Variants in PRKCE observed in about 807,000 individuals in gnomAD.
PRKCE encodes the protein protein kinase C epsilon type.
A neutral mutation model predicts 85.4 loss-of-function variants in PRKCE; 16 were observed. The ratio of observed to expected loss-of-function variants is 0.19; its 90% confidence interval spans 0.13 to 0.28. The LOEUF (loss-of-function observed/expected upper bound fraction) is 0.28. PRKCE is among the 10% of genes least tolerant of loss of function. The probability of loss-of-function intolerance (pLI) is 1.00; values close to 1 mark genes in which losing one functional copy is unlikely to be tolerated. For missense variants in PRKCE, 573 were observed against 975.2 expected (o/e 0.59, Z 5.49); for synonymous variants, 388 against 371.5 (o/e 1.04, Z -0.51).
intron 2 of PRKCE, among the ~76,000 whole-genome samples, chr2:45,846,267 T>C (rs757210201): frequency 3.9e-5 from 6 of 152,206 alleles, no homozygotes; most frequent in Non-Finnish European, 5.9e-5. Context: ...CTTCATATGA[T>C]GTAATTTGCA....
At chr2:45,687,211 C>T (rs1321008961) in intron 1 of PRKCE, among the ~76,000 whole-genome samples, 3 of 151,844 alleles carry the variant, frequency 2.0e-5, no homozygotes, top group Non-Finnish European at 1.5e-5. Context: ...GAAAATCACA[C>T]ATAAAAACCA....
intron 2 of PRKCE, among the ~76,000 whole-genome samples, chr2:45,957,094 T>C (rs1701024548): frequency 6.6e-6 from 1 of 152,246 alleles, no homozygotes; most frequent in East Asian, 1.9e-4. Flanking sequence ...ACTTGTCTTT[T>C]CATTCTCTTA....
At position 46,185,767 on chromosome 2, in the gene PRKCE, C is replaced by G. The variant is rs945033028; in HGVS notation, c.*886C>G. The G allele has an allele frequency of 5.9e-5, 9 of 152,194 alleles. No individual in the cohort carries two copies. The highest frequency in any genetic ancestry group is 5.9e-4 in the Admixed American group (9 of 15,282). The allele number at this position is 152,194 out of a possible 1,614,324, so 9.4% of individuals were successfully genotyped here. A position where few individuals can be genotyped will look rare whatever the true frequency, so the allele number is the denominator to read the frequency against. ...AAAGGCAACAAGTAGCATTCTTCAT[C>G]ATTCAAGTTCTACCTGGACACAAAG... On this transcript the variant is annotated 3_prime_UTR_variant, in exon 15 of 15. Transcript: ENST00000306156. This position sits in a 1 kb window ranked among gnomAD's most constrained non-coding sequence, Gnocchi z 4.7.
chr2:45,852,620 G>T (rs1692363824), intron 2 of PRKCE, among the ~76,000 whole-genome samples: 1 of 152,212 alleles, frequency 6.6e-6, no homozygotes, highest in Non-Finnish European at 1.5e-5. Flanking sequence ...TCTGTACACG[G>T]AGAGGGGTGA....
At chr2:45,816,565 A>G (rs1026357819) in intron 1 of PRKCE, among the ~76,000 whole-genome samples, 2 of 152,034 alleles carry the variant, frequency 1.3e-5, no homozygotes, top group African/African-American at 4.8e-5. Context: ...AAACTCCTGG[A>G]TTTTGTTTGT....
chr2:46,011,866 G>C (rs1705708664), intron 10 of PRKCE, among the ~76,000 whole-genome samples: 1 of 152,128 alleles, frequency 6.6e-6, no homozygotes, highest in Non-Finnish European at 1.5e-5. Context: ...TGATCTCTCA[G>C]GAGAATAAGA....
intron 10 of PRKCE, among the ~76,000 whole-genome samples, chr2:46,043,760 C>T (rs948919312): frequency 9.2e-5 from 14 of 152,282 alleles, no homozygotes; most frequent in African/African-American, 3.4e-4. Context: ...ACTCCAGATG[C>T]AAGGAATCAG....
chr2:45,821,440 G>A lies in PRKCE; in HGVS notation c.349-21560G>A, dbSNP rs1013985988. Among the ~76,000 whole-genome samples, 5 of 152,246 alleles carry A rather than the reference G, an allele frequency of 3.3e-5. No homozygotes were observed. The South Asian group carries it at 8.3e-4, about 25-fold the overall frequency. The stretch of plus-strand genomic sequence containing the variant: ...TATAGAGCAGGCCACACCTCTGAAG[G>A]GCTACCTGTGGAACCTACCTGGGGA... On this transcript the variant is annotated intron_variant, in intron 1 of 14. Transcript: ENST00000306156.
intron 2 of PRKCE, among the ~76,000 whole-genome samples, chr2:45,967,310 A>C (rs1372105296): frequency 6.6e-6 from 1 of 152,100 alleles, no homozygotes; most frequent in Non-Finnish European, 1.5e-5. Context: ...CACCATCTGA[A>C]CCCATCACAT....
chr2:46,150,993 G>A, intron 12 of PRKCE, 48 bp from the exon 13 acceptor site: 1 of 1,542,934 alleles, frequency 6.5e-7, no homozygotes, highest in South Asian at 1.2e-5. Flanking sequence ...GGGTGTCACT[G>A]GGGTGGGAGC....
chr2:45,832,767 G>A (rs900716848), intron 1 of PRKCE, among the ~76,000 whole-genome samples: 14 of 152,312 alleles, frequency 9.2e-5, no homozygotes, highest in Non-Finnish European at 1.5e-4. Flanking sequence ...GGAGAACCCG[G>A]CTTTAACGCA....
intron 2 of PRKCE, among the ~76,000 whole-genome samples, chr2:45,896,614 G>A (rs1475317147): frequency 2.0e-5 from 3 of 152,180 alleles, no homozygotes; most frequent in African/African-American, 7.2e-5. Flanking sequence ...GCAATTTTGA[G>A]TCACTATACC....
chr2:46,093,967 T>G (rs10167555), intron 11 of PRKCE, among the ~76,000 whole-genome samples: 106,823 of 151,938 alleles, frequency 0.7, 39,835 homozygotes, highest in East Asian at 0.89. Flanking sequence ...GCATTTTTTT[T>G]GTTTATTTTC....
chr2:45,944,109 C>G (rs931764099), intron 2 of PRKCE, among the ~76,000 whole-genome samples: 3 of 152,210 alleles, frequency 2.0e-5, no homozygotes, highest in South Asian at 4.1e-4. Context: ...CAGGGCCATT[C>G]TATGCATATT....
intron 2 of PRKCE, among the ~76,000 whole-genome samples, chr2:45,955,399 C>T (rs1308451981): frequency 2.6e-5 from 4 of 152,112 alleles, no homozygotes. Flanking sequence ...AATGAAAGGC[C>T]CGTAGCATAA....
intron 1 of PRKCE, among the ~76,000 whole-genome samples, chr2:45,703,125 A>AT (rs33988258): frequency 4.0e-5 from 6 of 150,472 alleles, no homozygotes; most frequent in South Asian, 2.1e-4. Context: ...TGTTTTATTT[A>AT]TTTTTTTTTT....
At chr2:45,795,991 A>G (rs567554570) in intron 1 of PRKCE, among the ~76,000 whole-genome samples, 1 of 152,346 alleles carries the variant, frequency 6.6e-6, no homozygotes, top group Admixed American at 6.5e-5. Flanking sequence ...TTTCTAAGCA[A>G]TACTCCCATC....
chr2:45,856,546 CT>C (rs1016960281), intron 2 of PRKCE, among the ~76,000 whole-genome samples: 12 of 152,286 alleles, frequency 7.9e-5, no homozygotes, highest in Admixed American at 3.3e-4. Flanking sequence ...TCATTTCTTC[CT>C]GTTAATAGCA....
At chr2:46,108,125 G>T (rs532171854) in intron 11 of PRKCE, among the ~76,000 whole-genome samples, 12 of 152,152 alleles carry the variant, frequency 7.9e-5, no homozygotes, top group African/African-American at 2.9e-4. Context: ...ACAGGGTGTC[G>T]CTCTGTTGCC....
Sources: allele counts gnomAD v4.1 joint callset (sites outside exome capture counted in the v4.1 genomes callset), GRCh38; gene constraint gnomAD v4.1.1; non-coding constraint Gnocchi (gnomAD v3.1); transcripts MANE v1.5; gene names NCBI Gene and HGNC (gene_info 2026-07-23, HGNC 2026-07-21).